The following ADARB1 variants were observed in gnomAD, a reference collection of about 807,000 sequenced individuals.
ADARB1 encodes the protein adenosine deaminase RNA specific B1.
Under a neutral mutation model 52.4 loss-of-function variants are expected in ADARB1, and 10 were observed. The observed-to-expected ratio is 0.19, with a 90% CI of 0.12 to 0.32. The LOEUF (loss-of-function observed/expected upper bound fraction) is 0.32, where lower values mean the gene tolerates loss of function less well. Among genes scored for constraint, ADARB1 ranks in the 10% least tolerant of loss-of-function variants. The pLI is 1.00. For missense variants in ADARB1, 643 were observed against 922.3 expected, an observed-to-expected ratio of 0.70 and a Z score of 3.92; for synonymous variants, 349 against 371.1, an observed-to-expected ratio of 0.94 and a Z score of 0.68.
At chr21:45,086,411 G>A (rs2086346057) in intron 1 of ADARB1, among the ~76,000 whole-genome samples, 1 of 152,198 alleles carries the variant, frequency 6.6e-6, no homozygotes, top group Non-Finnish European at 1.5e-5. Context: ...GAATGTCTGA[G>A]TTGTGCAGAC....
chr21:45,093,335 C>T (rs753123860), intron 1 of ADARB1, among the ~76,000 whole-genome samples: 28 of 152,192 alleles, frequency 1.8e-4, no homozygotes, highest in Non-Finnish European at 3.2e-4. Flanking sequence ...GGACTTTTCT[C>T]ACAACTCCAG....
chr21:45,165,723 AATC>A (rs1366492212), intron 2 of ADARB1, among the ~76,000 whole-genome samples: 3 of 152,250 alleles, frequency 2.0e-5, no homozygotes, highest in Non-Finnish European at 4.4e-5. Context: ...TAAATAAGCA[AATC>A]ATCTTTCAAT....
At chr21:45,162,190 C>T (rs531712123) in intron 2 of ADARB1, among the ~76,000 whole-genome samples, 1 of 152,208 alleles carries the variant, frequency 6.6e-6, no homozygotes, top group Non-Finnish European at 1.5e-5. Context: ...AGTGACGCCC[C>T]CTTTGGGGCC....
Position 45,200,062 on chromosome 21 carries a change from A to G in ADARB1, c.1566-4493A>G, listed in dbSNP as rs562443551. 6.6e-6 allele frequency among the ~76,000 whole-genome samples: 1 copy of G among 152,384 alleles called. No homozygotes were observed. Among genetic ancestry groups the G allele is most frequent in the East Asian group, 1.9e-4 (1 of 5,188 alleles). The stretch of plus-strand genomic sequence containing the variant: ...TGCCCGGAAAGAGCCCTGGTGGCCA[A>G]AATGATGCCAGTTGGCTGCAGCTGT... On this transcript the variant is annotated intron_variant, in intron 8 of 10. Transcript: ENST00000348831. The surrounding 1 kb of genome is among the most constrained non-coding windows in gnomAD (Gnocchi z 5.0).
chr21:45,202,917 CGTCT>C (rs1569162155), intron 8 of ADARB1, among the ~76,000 whole-genome samples: 1 of 151,046 alleles, frequency 6.6e-6, no homozygotes, highest in Non-Finnish European at 1.5e-5. Flanking sequence ...CTGTGCTGAG[CGTCT>C]AACCCTGCAG....
intron 2 of ADARB1, among the ~76,000 whole-genome samples, chr21:45,129,403 C>T (rs2088791976): frequency 6.6e-6 from 1 of 152,208 alleles, no homozygotes; most frequent in Non-Finnish European, 1.5e-5. Context: ...TCCAGTTGTA[C>T]ATTTCCAGGG....
At chr21:45,079,932 A>G (rs572768719) in intron 1 of ADARB1, among the ~76,000 whole-genome samples, 6 of 152,304 alleles carry the variant, frequency 3.9e-5, no homozygotes, top group African/African-American at 1.4e-4. Flanking sequence ...GCTTTTGGCA[A>G]GCGGTCCACA....
chr21:45,218,604 G>A (rs1278856778), intron 9 of ADARB1, among the ~76,000 whole-genome samples: 4 of 152,216 alleles, frequency 2.6e-5, no homozygotes, highest in Non-Finnish European at 4.4e-5. Context: ...AAATCTGGCT[G>A]ACTTGGTTTC....
intron 1 of ADARB1, chr21:45,117,160 C>G (rs976213858): frequency 2.6e-5 from 4 of 152,202 alleles, no homozygotes; most frequent in African/African-American, 9.7e-5. Context: ...ATTGCTCCCT[C>G]GAAGGATGAA....
chr21:45,083,266 C>G (rs996848335), intron 1 of ADARB1, among the ~76,000 whole-genome samples: 1 of 152,160 alleles, frequency 6.6e-6, no homozygotes, highest in African/African-American at 2.4e-5. Context: ...TTAAGTTTAT[C>G]TGCTTCTGAA....
chr21:45,135,863 T>C (rs2089332865), intron 2 of ADARB1, among the ~76,000 whole-genome samples: 1 of 152,150 alleles, frequency 6.6e-6, no homozygotes, highest in African/African-American at 2.4e-5. Context: ...GTGCTGCCCC[T>C]CACCCTCCCC....
At chr21:45,209,975 T>C (rs974074381) in intron 9 of ADARB1, among the ~76,000 whole-genome samples, 3 of 152,244 alleles carry the variant, frequency 2.0e-5, no homozygotes, top group Non-Finnish European at 4.4e-5. Context: ...AATGCCTGAC[T>C]TCTGTCACCA....
intron 2 of ADARB1, among the ~76,000 whole-genome samples, chr21:45,165,504 G>A (rs2091217215): frequency 6.6e-6 from 1 of 152,122 alleles, no homozygotes; most frequent in African/African-American, 2.4e-5. Context: ...TGCAGGGACG[G>A]TTTCCTAGAA....
At chr21:45,206,431 A>C (rs929287384) in intron 9 of ADARB1, among the ~76,000 whole-genome samples, 1 of 152,228 alleles carries the variant, frequency 6.6e-6, no homozygotes, top group Admixed American at 6.5e-5. Flanking sequence ...GTGTATTTTT[A>C]TCATATTTCA....
chr21:45,131,220 G>T lies in ADARB1; in HGVS notation c.-48+2647G>T, dbSNP rs538195979. Among the ~76,000 whole-genome samples, 18 of 152,334 alleles carry T rather than the reference G, an allele frequency of 1.2e-4. No individual in the cohort carries two copies. The South Asian group carries it at 3.1e-3, about 26-fold the overall frequency. On this transcript the variant is annotated intron_variant, in intron 2 of 10. Coordinates refer to ENST00000348831, the MANE Select transcript of ADARB1 (RefSeq NM_001112.4). The stretch of plus-strand genomic sequence containing the variant: ...CTGCTTTCACTCGGATCACTGAGTG[G>T]TGTGGGCCTGTCAGTGCAGGCAGAT...
Position 45,172,812 on chromosome 21 carries a change from G to A in ADARB1, c.28+1128G>A, listed in dbSNP as rs552588880. ...ACTTCCGCTGTTGTGTGCGCAGCCC[G>A]TGCCTGCCTGCTGGTGATTGTTTTT... On this transcript the variant is annotated intron_variant, in intron 3 of 10. Coordinates refer to ENST00000348831, the MANE Select transcript of ADARB1 (RefSeq NM_001112.4). The surrounding 1 kb of genome is among the most constrained non-coding windows in gnomAD (Gnocchi z 4.4). Among the ~76,000 whole-genome samples the A allele has an allele frequency of 3.9e-4, 59 of 152,310 alleles. No individual in the cohort carries two copies. The highest frequency in any genetic ancestry group is 1.3e-3 in the African/African-American group (52 of 41,560).
At chr21:45,184,019 G>T (rs918205525) in intron 7 of ADARB1, among the ~76,000 whole-genome samples, 2 of 151,960 alleles carry the variant, frequency 1.3e-5, no homozygotes, top group African/African-American at 4.8e-5. Context: ...AAGCCCTTAG[G>T]CATTGTTTAT....
rs1247147568 is a variant in ADARB1 at position 45,172,932 on chromosome 21, T to G, written c.28+1248T>G. ...GCAGTTCTACTCACTGTTTCCAAGTTTGTGACAAGTTTTAAGAGAGAGGTT... is the reference window on the plus strand; with the variant it reads ...GCAGTTCTACTCACTGTTTCCAAGTGTGTGACAAGTTTTAAGAGAGAGGTT... On this transcript the variant is annotated intron_variant, in intron 3 of 10. Coordinates refer to ENST00000348831, the MANE Select transcript of ADARB1 (RefSeq NM_001112.4). The surrounding 1 kb of genome is among the most constrained non-coding windows in gnomAD (Gnocchi z 4.4). Among the ~76,000 whole-genome samples the G allele has an allele frequency of 6.6e-6, 1 of 152,208 alleles. No homozygotes were observed. Among genetic ancestry groups the G allele is most frequent in the Non-Finnish European group, 1.5e-5 (1 of 68,026 alleles).
chr21:45,196,815 C>T (rs1223766296), intron 8 of ADARB1, among the ~76,000 whole-genome samples: 7 of 152,188 alleles, frequency 4.6e-5, no homozygotes, highest in African/African-American at 1.7e-4. Flanking sequence ...AAAGACTGGC[C>T]AAACCAAATG....
Sources: gnomAD v4.1 joint callset for allele counts (sites outside exome capture counted in the v4.1 genomes callset) on GRCh38, gnomAD v4.1.1 for gene constraint, Gnocchi (gnomAD v3.1) non-coding constraint, MANE v1.5 for transcripts, NCBI Gene and HGNC (gene_info 2026-07-23, HGNC 2026-07-21) for gene names.